The following GRIK1 variants were observed in gnomAD, a reference collection of about 807,000 sequenced individuals.
GRIK1 encodes glutamate receptor ionotropic, kainate 1.
A neutral mutation model predicts 105.7 loss-of-function variants in GRIK1; 69 were observed. The observed-to-expected ratio is 0.65, with a 90% CI of 0.54 to 0.80. The LOEUF (loss-of-function observed/expected upper bound fraction) is 0.80, where lower values mean the gene tolerates loss of function less well. Among genes scored for constraint, GRIK1 ranks in the 30% least tolerant of loss-of-function variants. The probability of loss-of-function intolerance (pLI) is 0.00; values close to 1 mark genes in which losing one functional copy is unlikely to be tolerated. For synonymous variants in GRIK1, 438 were observed against 431.3 expected, an observed-to-expected ratio of 1.02 and a Z score of -0.19; for missense variants, 1,109 against 1,167.3, an observed-to-expected ratio of 0.95 and a Z score of 0.73.
At chr21:29,574,801 C>T (rs561080538) in intron 14 of GRIK1, among the ~76,000 whole-genome samples, 13 of 151,360 alleles carry the variant, frequency 8.6e-5, no homozygotes, top group South Asian at 4.2e-4. Flanking sequence ...CATTCTCCTG[C>T]CTCAGCCTCC....
At chr21:29,931,324 T>G (rs1428223307) in intron 1 of GRIK1, among the ~76,000 whole-genome samples, 1 of 152,176 alleles carries the variant, frequency 6.6e-6, no homozygotes, top group Admixed American at 6.5e-5. Flanking sequence ...TTGGTGGTTT[T>G]GGTCAATATT....
chr21:29,539,474 A>G (rs561119671), intron 16 of GRIK1, among the ~76,000 whole-genome samples: 27 of 152,294 alleles, frequency 1.8e-4, no homozygotes, highest in African/African-American at 4.8e-4. Context: ...CACTTAAAGT[A>G]TGGTTTGTCT....
intron 7 of GRIK1, among the ~76,000 whole-genome samples, chr21:29,620,806 G>T (rs56314938): frequency 0.036 from 3,756 of 104,298 alleles, 85 homozygotes; most frequent in African/African-American, 0.1. Context: ...TATATATATA[G>T]ATATATATAT....
chr21:29,805,480 A>G (rs779452628), intron 1 of GRIK1, among the ~76,000 whole-genome samples: 4 of 152,194 alleles, frequency 2.6e-5, no homozygotes, highest in Non-Finnish European at 5.9e-5. Flanking sequence ...TAATTTTCAA[A>G]TCAAATGCAG....
intron 1 of GRIK1, among the ~76,000 whole-genome samples, chr21:29,813,233 A>G (rs1423439289): frequency 6.6e-6 from 1 of 152,170 alleles, no homozygotes; most frequent in African/African-American, 2.4e-5. Flanking sequence ...GTAAATATTG[A>G]CTTAACAATA....
intron 1 of GRIK1, among the ~76,000 whole-genome samples, chr21:29,709,491 G>A (rs1180387125): frequency 6.6e-6 from 1 of 151,810 alleles, no homozygotes; most frequent in Non-Finnish European, 1.5e-5. Flanking sequence ...ATGTTGGCCA[G>A]GCTGGTCTCG....
chr21:29,599,955 G>A lies in GRIK1; in HGVS notation c.1099-1018C>T, dbSNP rs566547018. Among the ~76,000 whole-genome samples, 3 of 152,132 alleles carry A rather than the reference G, an allele frequency of 2.0e-5. No individual in the cohort carries two copies. In the South Asian group the frequency reaches 6.2e-4, roughly 32 times the overall value. On this transcript the variant is annotated intron_variant, in intron 7 of 17. Coordinates refer to ENST00000327783, the MANE Select transcript of GRIK1 (RefSeq NM_001330994.2). ...CAAAATATTAGCCAGGCGTGGTGGC[G>A]CATGCTTGTAATCCCAGCTACTCGG...
At chr21:29,754,656 A>C (rs547751173) in intron 1 of GRIK1, among the ~76,000 whole-genome samples, 2 of 152,214 alleles carry the variant, frequency 1.3e-5, no homozygotes, top group South Asian at 4.2e-4. Context: ...TTAAGCACTA[A>C]CCTGGGTGTT....
intron 1 of GRIK1, among the ~76,000 whole-genome samples, chr21:29,775,503 C>T (rs959717060): frequency 6.6e-6 from 1 of 152,124 alleles, no homozygotes; most frequent in African/African-American, 2.4e-5. Context: ...CAGGCTTCTG[C>T]ACTCCTGGTA....
chr21:29,623,114 G>A (rs556635159), intron 7 of GRIK1, among the ~76,000 whole-genome samples: 1 of 152,242 alleles, frequency 6.6e-6, no homozygotes, highest in African/African-American at 2.4e-5. Flanking sequence ...GAGGTTTAAT[G>A]GTCTCGCAGT....
intron 1 of GRIK1, among the ~76,000 whole-genome samples, chr21:29,704,835 G>T (rs1052426651): frequency 6.6e-6 from 1 of 152,162 alleles, no homozygotes; most frequent in Admixed American, 6.5e-5. Context: ...CATCATGAAG[G>T]TATGGCTCAT....
intron 1 of GRIK1, among the ~76,000 whole-genome samples, chr21:29,868,076 A>G (rs1279878763): frequency 1.3e-5 from 2 of 152,130 alleles, no homozygotes. Context: ...GCTAGGAAGT[A>G]GGTGATGACG....
At chr21:29,719,724 A>G (rs1249134087) in intron 1 of GRIK1, among the ~76,000 whole-genome samples, 1 of 152,136 alleles carries the variant, frequency 6.6e-6, no homozygotes, top group African/African-American at 2.4e-5. Context: ...CCCATTATGC[A>G]TATTAAGCAA....
chr21:29,906,264 T>C (rs2070635564), intron 1 of GRIK1, among the ~76,000 whole-genome samples: 1 of 152,210 alleles, frequency 6.6e-6, no homozygotes, highest in African/African-American at 2.4e-5. Flanking sequence ...TGAAATGTAA[T>C]CCTCACATGG....
Position 29,642,959 on chromosome 21 carries a change from G to A in GRIK1, c.965C>T (p.Ala322Val), listed in dbSNP as rs772396351. 2 of 1,613,846 alleles carry A rather than the reference G, an allele frequency of 1.2e-6. No homozygotes were observed. The highest frequency in any genetic ancestry group is 1.3e-5 in the African/African-American group (1 of 75,044). ...LLDGMMTTEA[A>V]LMYDAVYMVA... is the part of the protein sequence containing the mutation. ...CATGTACACAGCATCGTACATCAGA[G>A]CCGCTTCAGTCTGTGGAGGAAAACA... is the stretch of plus-strand genomic sequence containing the variant. Residue 322 changes from alanine (A) to valine (V), a missense_variant, in exon 7 of 18, where the codon GCT (alanine) becomes GTT (valine). By Grantham distance (64) the Ala-to-Val change is moderately conservative. Transcript: ENST00000327783.
intron 7 of GRIK1, among the ~76,000 whole-genome samples, chr21:29,619,438 AG>A (rs565225188): frequency 5.1e-4 from 77 of 151,690 alleles, no homozygotes; most frequent in Non-Finnish European, 1.0e-3. Flanking sequence ...GTCTCAAAAA[AG>A]AAAAAAAAAT....
In GRIK1 at chr21:29,537,840, T is replaced by G; in HGVS notation, c.2652A>C (p.Val884=). 1 of 1,528,664 alleles carries G rather than the reference T, an allele frequency of 6.5e-7. No homozygotes were observed. 94.7% of individuals were successfully genotyped at this position (1,528,664 alleles called of 1,614,324 possible). The part of the protein sequence containing the change: ...SRIRFYFRNK[V]RFHGRKKQSL... ...TTTGTTTTTTTCTCCCATGAAACCT[T>G]ACTTTGTTCCTAAAATAAAATCTAA... The change falls in exon 17 of 18, where the codon GTA becomes GTC. Residue 884 remains valine (V), a synonymous_variant. Coordinates refer to ENST00000327783, the MANE Select transcript of GRIK1 (RefSeq NM_001330994.2).
chr21:29,754,862 C>A (rs886445085), intron 1 of GRIK1, among the ~76,000 whole-genome samples: 2 of 152,156 alleles, frequency 1.3e-5, no homozygotes, highest in Non-Finnish European at 2.9e-5. Flanking sequence ...AGTCTCCATT[C>A]TCTCTTTTTT....
intron 1 of GRIK1, among the ~76,000 whole-genome samples, chr21:29,802,593 CT>C (rs902416679): frequency 6.6e-6 from 1 of 152,194 alleles, no homozygotes; most frequent in African/African-American, 2.4e-5. Context: ...ATCACGCTCT[CT>C]GCATCCCATA....
Sources: allele counts gnomAD v4.1 joint callset (sites outside exome capture counted in the v4.1 genomes callset), GRCh38; gene constraint gnomAD v4.1.1; transcripts MANE v1.5; gene names NCBI Gene and HGNC (gene_info 2026-07-23, HGNC 2026-07-21).